Variants in CYP2B6 observed in about 807,000 individuals in gnomAD.
The protein encoded by CYP2B6 is cytochrome P450 family 2 subfamily B member 6, also known as cytochrome P450 2B6.
Under a neutral mutation model 43.4 loss-of-function variants are expected in CYP2B6, and 35 were observed. The observed-to-expected ratio is 0.81, with a 90% CI of 0.62 to 1.07. CYP2B6 has a LOEUF of 1.07. CYP2B6 is among the 50% of genes least tolerant of loss of function. The pLI is 0.00. For missense variants in CYP2B6, 624 were observed against 632.8 expected (o/e 0.99, Z 0.15); for synonymous variants, 239 against 239.2 (o/e 1.00, Z 0.01).
At chr19:41,003,372 G>A (rs551209589) in intron 1 of CYP2B6, among the ~76,000 whole-genome samples, 202 of 152,186 alleles carry the variant, frequency 1.3e-3, no homozygotes, top group African/African-American at 4.7e-3. Context: ...TTCGTGTCCG[G>A]GGTGGGACAG....
rs113200811 is a variant in CYP2B6 at position 41,000,371 on chromosome 19, T to C, written c.172-3630T>C. Among the ~76,000 whole-genome samples, 44 of 152,210 alleles carry C rather than the reference T, an allele frequency of 2.9e-4. 1 individual carries two copies. Among genetic ancestry groups the C allele is most frequent in the African/African-American group, 9.6e-4 (40 of 41,506 alleles). On this transcript the variant is annotated intron_variant, in intron 1 of 8. Coordinates refer to ENST00000324071, the MANE Select transcript of CYP2B6 (RefSeq NM_000767.5). ...GCTGAACATAGTACCTGGTACACAA[T>C]AGGCATTTAGTAAATATGTGAACAG... is the stretch of plus-strand genomic sequence containing the variant.
Position 41,006,437 on chromosome 19 carries a change from G to A in CYP2B6, c.485-468G>A, listed in dbSNP as rs1159308364. Among the ~76,000 whole-genome samples the A allele has an allele frequency of 4.0e-5, 6 of 150,306 alleles. No individual in the cohort carries two copies. The East Asian group carries it at 5.9e-4, about 15-fold the overall frequency. On this transcript the variant is annotated intron_variant, in intron 3 of 8. Coordinates refer to ENST00000324071, the MANE Select transcript of CYP2B6 (RefSeq NM_000767.5). ...CCGAAGTGCTGGGTTTAGAGGTATGGGCCCCTGTGCCCACCCAGGGCTTTT... is the reference window on the plus strand; with the variant it reads ...CCGAAGTGCTGGGTTTAGAGGTATGAGCCCCTGTGCCCACCCAGGGCTTTT...
intron 1 of CYP2B6, among the ~76,000 whole-genome samples, chr19:40,992,942 T>C (rs1196511409): frequency 1.3e-5 from 2 of 152,048 alleles, no homozygotes; most frequent in Non-Finnish European, 2.9e-5. Flanking sequence ...CTTGGGGGTA[T>C]AGATAAGGTC....
chr19:40,999,389 G>A (rs960195552), intron 1 of CYP2B6, among the ~76,000 whole-genome samples: 3 of 151,832 alleles, frequency 2.0e-5, no homozygotes, highest in Non-Finnish European at 4.4e-5. Flanking sequence ...CACTCTGATG[G>A]TAGTTTCTTT....
At chr19:41,007,394 G>C in intron 4 of CYP2B6, 1 of 330,622 alleles carries the variant, frequency 3.0e-6, no homozygotes, top group Non-Finnish European at 5.7e-6. Flanking sequence ...GAGTGTGAAA[G>C]AGAGGGAGAG....
Position 41,016,899 on chromosome 19 carries a change from G to A in CYP2B6, c.*72G>A, listed in dbSNP as rs34749331. The A allele has an allele frequency of 1.6e-3, 2,436 of 1,513,964 alleles. 32 individuals carry two copies. The African/African-American group carries it at 0.03, about 19-fold the overall frequency. The allele number at this position is 1,513,964 out of a possible 1,614,324, so 93.8% of individuals were successfully genotyped here. ...CCCCGCCTCTGTAGACAATGGCTCT[G>A]ACTCCCCGCAACTTCCTGCCTCTGA... On this transcript the variant is annotated 3_prime_UTR_variant, in exon 9 of 9. Transcript: ENST00000324071.
intron 8 of CYP2B6, among the ~76,000 whole-genome samples, chr19:41,014,032 A>T (rs1043079986): frequency 2.0e-5 from 3 of 152,224 alleles, no homozygotes; most frequent in African/African-American, 7.2e-5. Flanking sequence ...AAGTTTGTTT[A>T]CATGTTGAGT....
chr19:41,014,234 T>C (rs1479170060), intron 8 of CYP2B6, among the ~76,000 whole-genome samples: 2 of 152,130 alleles, frequency 1.3e-5, no homozygotes, highest in South Asian at 4.1e-4. Flanking sequence ...TTATCTTCAA[T>C]GAAAATTGGG....
At chr19:41,003,976 C>A in intron 1 of CYP2B6, 25 bp from the exon 2 acceptor site, 6 of 1,609,070 alleles carry the variant, frequency 3.7e-6, no homozygotes, top group Non-Finnish European at 3.4e-6. Flanking sequence ...CTAACAGCCA[C>A]CCCTGGTGTG....
chr19:40,991,288 G>A lies in CYP2B6; in HGVS notation c.-18G>A, dbSNP rs200343014. On this transcript the variant is annotated 5_prime_UTR_variant, in exon 1 of 9. Coordinates refer to ENST00000324071, the MANE Select transcript of CYP2B6 (RefSeq NM_000767.5). Reference sequence around the variant, plus strand: ...AGTTGGAGGCTGCAGCAGGGTGCAGGGCAGTCAGACCAGGACCATGGAACT... The same window carrying A: ...AGTTGGAGGCTGCAGCAGGGTGCAGAGCAGTCAGACCAGGACCATGGAACT... 2.1e-4 allele frequency: 341 copies of A among 1,613,946 alleles called. No individual in the cohort carries two copies. The highest frequency in any genetic ancestry group is 2.0e-4 in the Non-Finnish European group (231 of 1,179,986).
chr19:41,009,012 G>A (rs2144672816), intron 4 of CYP2B6, among the ~76,000 whole-genome samples: 1 of 150,190 alleles, frequency 6.7e-6, no homozygotes, highest in African/African-American at 2.5e-5. Context: ...CCAAGAAAAA[G>A]ACAGAAGGAT....
In CYP2B6 at chr19:41,012,776, G is replaced by A; in HGVS notation, c.1255G>A (p.Ala419Thr). Reference sequence around the variant, plus strand: ...TGACCACTTTCTGGATGCCAATGGGGCACTGAAAAAGACTGAAGCTTTTAT... The same window carrying A: ...TGACCACTTTCTGGATGCCAATGGGACACTGAAAAAGACTGAAGCTTTTAT... ...NPDHFLDANGALKKTEAFIPF... is the reference protein window; with the variant it reads ...NPDHFLDANGTLKKTEAFIPF... The change falls in exon 8 of 9, where the codon GCA becomes ACA. Residue 419 changes from alanine (A) to threonine (T), a missense_variant. Coordinates refer to ENST00000324071, the MANE Select transcript of CYP2B6 (RefSeq NM_000767.5). 1 of 1,614,100 alleles carries A rather than the reference G, an allele frequency of 6.2e-7. No individual in the cohort carries two copies. The highest frequency in any genetic ancestry group is 8.5e-7 in the Non-Finnish European group (1 of 1,180,012).
intron 8 of CYP2B6, among the ~76,000 whole-genome samples, chr19:41,013,338 G>A (rs1969313261): frequency 6.6e-6 from 1 of 152,318 alleles, no homozygotes; most frequent in African/African-American, 2.4e-5. Flanking sequence ...ATTGTGATAA[G>A]TGCTCTAAAG....
rs1021908396 is a variant in CYP2B6, at chr19:41,013,400, C to T, written c.1294+585C>T. 5.3e-5 allele frequency among the ~76,000 whole-genome samples: 8 copies of T among 152,154 alleles called. No individual in the cohort carries two copies. In the East Asian group the frequency reaches 5.8e-4, roughly 11 times the overall value. ...ATAGTAGCTAATCTTGTGGTGGGTC[C>T]GTAAGGAAAAGCTTACCAGAGGAAC... is the stretch of plus-strand genomic sequence containing the variant. On this transcript the variant is annotated intron_variant, in intron 8 of 8. Coordinates refer to ENST00000324071, the MANE Select transcript of CYP2B6 (RefSeq NM_000767.5).
Position 41,004,455 on chromosome 19 carries a change from TG to T in CYP2B6, c.484+14del. 1 of 1,613,086 alleles carries T rather than the reference TG, an allele frequency of 6.2e-7. No individual in the cohort carries two copies. Among genetic ancestry groups the T allele is most frequent in the Non-Finnish European group, 8.5e-7 (1 of 1,179,704 alleles). ...GCTTCGGAAATCCAAGGGTGAGTCC[TG>T]GGGGATGAATAGGAAAGAAAGACAA... On this transcript the variant is annotated intron_variant, in intron 3 of 8. Transcript: ENST00000324071.
intron 8 of CYP2B6, among the ~76,000 whole-genome samples, chr19:41,016,102 T>TA (rs1250511976): frequency 1.3e-5 from 2 of 151,946 alleles, no homozygotes; most frequent in African/African-American, 4.8e-5. Flanking sequence ...CTCTCTTATA[T>TA]AAAAATGAAC....
Position 41,009,953 on chromosome 19 carries a change from C to A in CYP2B6, c.823-41C>A, listed in dbSNP as rs1259204888. 1.9e-6 allele frequency: 3 copies of A among 1,613,380 alleles called. No individual in the cohort carries two copies. In the East Asian group the frequency reaches 6.7e-5, roughly 36 times the overall value. On this transcript the variant is annotated intron_variant, in intron 5 of 8. Transcript: ENST00000324071. ...GGGCGTATACACAGCAAGGCTACAG[C>A]CTCCCCTGACCCTCCCCTTCCTTCC...
rs2144667216 is a variant in CYP2B6, at chr19:41,004,129, A to C, written c.300A>C (p.Lys100Asn). ...DKAEAFSGRG[K>N]IAMVDPFFRG... ...CTGAGGCCTTCTCTGGCCGGGGAAA[A>C]ATCGCCATGGTCGACCCATTCTTCC... Residue 100 changes from lysine to asparagine, a missense_variant, in exon 2 of 9, where the codon AAA becomes AAC. Coordinates refer to ENST00000324071, the MANE Select transcript of CYP2B6 (RefSeq NM_000767.5). The C allele has an allele frequency of 6.2e-7, 1 of 1,603,202 alleles. No homozygotes were observed. The highest frequency in any genetic ancestry group is 1.1e-5 in the South Asian group (1 of 90,752).
chr19:41,004,176 G>A lies in CYP2B6; in HGVS notation c.334+13G>A. ...TTCCGGGGATATGGTGAGAGCCTCAGAGGCACTGGGAGGGGGCGGGTGGGG... is the reference window on the plus strand; with the variant it reads ...TTCCGGGGATATGGTGAGAGCCTCAAAGGCACTGGGAGGGGGCGGGTGGGG... On this transcript the variant is annotated intron_variant, in intron 2 of 8. Coordinates refer to ENST00000324071, the MANE Select transcript of CYP2B6 (RefSeq NM_000767.5). 6.4e-7 allele frequency: 1 copy of A among 1,571,180 alleles called. No individual in the cohort carries two copies. The highest frequency in any genetic ancestry group is 8.7e-7 in the Non-Finnish European group (1 of 1,145,868).
Sources: allele counts gnomAD v4.1 joint callset (sites outside exome capture counted in the v4.1 genomes callset), GRCh38; gene constraint gnomAD v4.1.1; transcripts MANE v1.5; gene names NCBI Gene and HGNC (gene_info 2026-07-23, HGNC 2026-07-21).